DNAH3: variants seen among roughly 807,000 people sequenced by gnomAD.
DNAH3 encodes the protein axonemal beta dynein heavy chain 3.
DNAH3 carries 332 observed loss-of-function variants against 432.5 expected under a neutral mutation model. That is an observed-to-expected ratio of 0.77 (90% confidence interval 0.70 to 0.84). DNAH3 has a LOEUF of 0.84. DNAH3 is among the 40% of genes least tolerant of loss of function. The pLI is 0.00. For missense variants in DNAH3, 4,861 were observed against 5,114.0 expected (o/e 0.95, Z 1.51); for synonymous variants, 1,956 against 1,900.2 (o/e 1.03, Z -0.76).
chr16:21,036,699 G>C lies in DNAH3; in HGVS notation c.5085+15C>G. 6.2e-7 allele frequency: 1 copy of C among 1,612,922 alleles called. No individual in the cohort carries two copies. Among genetic ancestry groups the C allele is most frequent in the South Asian group, 1.1e-5 (1 of 90,770 alleles). ...ACAGTAAAACAGGCACATTTATATG[G>C]GCTAAGGAACCAACCTGGATAATTT... On this transcript the variant is annotated intron_variant, in intron 35 of 61. Coordinates refer to ENST00000261383, the Ensembl canonical transcript of DNAH3.
intron 1 of DNAH3, among the ~76,000 whole-genome samples, chr16:21,159,013 C>T (rs1283094841): frequency 4.0e-5 from 6 of 151,756 alleles, no homozygotes; most frequent in African/African-American, 1.5e-4. Context: ...CACACACACA[C>T]ATACACACAC....
At chr16:21,157,522 G>A (rs2092907173) in intron 1 of DNAH3, among the ~76,000 whole-genome samples, 1 of 151,788 alleles carries the variant, frequency 6.6e-6, no homozygotes, top group East Asian at 1.9e-4. Flanking sequence ...TAGAGATGGG[G>A]TTTCACCATG....
At chr16:21,002,743 G>A (rs1194674494) in intron 42 of DNAH3, among the ~76,000 whole-genome samples, 1 of 152,100 alleles carries the variant, frequency 6.6e-6, no homozygotes, top group African/African-American at 2.4e-5. Flanking sequence ...TTACAGATGT[G>A]AGCCACTGCG....
chr16:20,951,823 C>G (rs993790015), intron 56 of DNAH3, among the ~76,000 whole-genome samples: 1 of 149,804 alleles, frequency 6.7e-6, no homozygotes, highest in African/African-American at 2.5e-5. Flanking sequence ...TCACTGCAAC[C>G]TCTGCCTCCC....
At chr16:20,944,566 G>T (rs1217641046) in exon 58 of DNAH3, 4 of 1,614,008 alleles carry the variant, frequency 2.5e-6, no homozygotes, top group Non-Finnish European at 3.4e-6. Context: ...CAGCTGGTTG[G>T]TTTCCTGGTT....
intron 18 of DNAH3, among the ~76,000 whole-genome samples, chr16:21,092,875 A>G (rs532440073): frequency 2.0e-5 from 3 of 152,346 alleles, no homozygotes; most frequent in Non-Finnish European, 4.4e-5. Flanking sequence ...GCATATGAAA[A>G]GATGTTCAAT....
chr16:21,066,990 T>G (rs1416303294), intron 24 of DNAH3, among the ~76,000 whole-genome samples: 1 of 152,188 alleles, frequency 6.6e-6, no homozygotes, highest in Non-Finnish European at 1.5e-5. Flanking sequence ...GGAGGTCTAA[T>G]TAACTCCAAA....
intron 41 of DNAH3, among the ~76,000 whole-genome samples, chr16:21,004,355 CCTTT>C (rs1001101107): frequency 9.2e-5 from 14 of 152,046 alleles, no homozygotes; most frequent in Non-Finnish European, 1.3e-4. Context: ...AGTCTCTCTT[CCTTT>C]CTTTCTTTTT....
In DNAH3 at chr16:21,049,944, G is replaced by A. The variant is rs781604341; in HGVS notation, c.4313C>T (p.Thr1438Ile). The A allele has an allele frequency of 3.1e-6, 5 of 1,614,192 alleles. 1 individual carries two copies. In the South Asian group the frequency reaches 5.5e-5, roughly 18 times the overall value. The change falls in exon 30 of 62, where the codon ACC (threonine) becomes ATC (isoleucine). Residue 1438 changes from threonine (T) to isoleucine (I), a missense_variant. Transcript: ENST00000261383. The stretch of plus-strand genomic sequence containing the variant: ...CAAGGCTTTGGCCAAATCTTTGGTG[G>A]TTTCTGTCTTGCCAGTCCCAGCTGG...
chr16:21,018,011 T>A (rs2087949954), intron 41 of DNAH3, among the ~76,000 whole-genome samples: 1 of 151,828 alleles, frequency 6.6e-6, no homozygotes. Context: ...TTAAAAAAAA[T>A]TCAAAATTAA....
intron 50 of DNAH3, among the ~76,000 whole-genome samples, chr16:20,977,174 C>G (rs1007992493): frequency 6.6e-6 from 1 of 152,006 alleles, no homozygotes; most frequent in South Asian, 2.1e-4. Flanking sequence ...CTCAGGAGGT[C>G]GTGACCAGCC....
At chr16:21,047,963 G>C (rs1283899941) in intron 31 of DNAH3, among the ~76,000 whole-genome samples, 3 of 152,048 alleles carry the variant, frequency 2.0e-5, no homozygotes, top group East Asian at 1.9e-4. Flanking sequence ...CCCCTGCTGG[G>C]GGGTGCCTCC....
chr16:20,943,506 G>A (rs1034279555), intron 58 of DNAH3, among the ~76,000 whole-genome samples: 7 of 152,172 alleles, frequency 4.6e-5, no homozygotes, highest in Non-Finnish European at 1.0e-4. Context: ...CTACAGGTGC[G>A]ATTCACTGCA....
chr16:21,132,022 C>A (rs889962856), intron 7 of DNAH3, among the ~76,000 whole-genome samples: 1 of 152,132 alleles, frequency 6.6e-6, no homozygotes, highest in Non-Finnish European at 1.5e-5. Flanking sequence ...TATGGTTCCA[C>A]TTAGTTAGAA....
Position 20,987,498 on chromosome 16 carries a change from G to A in DNAH3, c.6883-50C>T, listed in dbSNP as rs757423341. Reference sequence around the variant, plus strand: ...AAACGAGTGGAAGATGGTCCCTGAGGTGGTAGTTCTCAGTAGTAGGTAAGT... The same window carrying A: ...AAACGAGTGGAAGATGGTCCCTGAGATGGTAGTTCTCAGTAGTAGGTAAGT... On this transcript the variant is annotated intron_variant, in intron 46 of 61. Coordinates refer to ENST00000261383, the Ensembl canonical transcript of DNAH3. 13 of 1,607,768 alleles carry A rather than the reference G, an allele frequency of 8.1e-6. No individual in the cohort carries two copies. In the African/African-American group the frequency reaches 1.5e-4, roughly 18 times the overall value.
chr16:21,063,504 TTTATA>T (rs900456036), intron 24 of DNAH3, among the ~76,000 whole-genome samples: 2 of 149,136 alleles, frequency 1.3e-5, no homozygotes, highest in African/African-American at 4.9e-5. Context: ...ATTTTATTAT[TTTATA>T]TTTTATTTTA....
chr16:20,964,420 A>G (rs1361301631), exon 53 of DNAH3: 1 of 1,614,044 alleles, frequency 6.2e-7, no homozygotes, highest in Non-Finnish European at 8.5e-7. Context: ...ACCCAGCCTC[A>G]TGTACTCAAC....
chr16:21,155,797 G>A (rs909902887), intron 1 of DNAH3, among the ~76,000 whole-genome samples: 1 of 151,968 alleles, frequency 6.6e-6, no homozygotes, highest in Non-Finnish European at 1.5e-5. Flanking sequence ...GGTCAGCAAG[G>A]TTCCAAGTTG....
chr16:21,012,330 A>G (rs946170821), intron 41 of DNAH3, among the ~76,000 whole-genome samples: 1 of 152,222 alleles, frequency 6.6e-6, no homozygotes, highest in Non-Finnish European at 1.5e-5. Context: ...ACAGTCTGTT[A>G]AAAACAAAAC....
Sources: gnomAD v4.1 joint callset for allele counts (sites outside exome capture counted in the v4.1 genomes callset) on GRCh38, gnomAD v4.1.1 for gene constraint, MANE v1.5 for transcripts, NCBI Gene and HGNC (gene_info 2026-07-23, HGNC 2026-07-21) for gene names.